Variants in RLN2 observed in about 807,000 individuals in gnomAD.
RLN2 encodes the protein prorelaxin H2.
A neutral mutation model predicts 7.3 loss-of-function variants in RLN2; 10 were observed. That is an observed-to-expected ratio of 1.36 (90% CI 0.84 to 2.31). The LOEUF (loss-of-function observed/expected upper bound fraction) is 2.31. Ranked by LOEUF, RLN2 falls within the 30% of genes most tolerant of loss-of-function variation. The pLI, the probability that RLN2 is intolerant of heterozygous loss-of-function variation, is 0.00. For synonymous variants in RLN2, 103 were observed against 82.3 expected (o/e 1.25, Z -1.36); for missense variants, 298 against 217.6 (o/e 1.37, Z -2.32).
Position 5,304,586 on chromosome 9 carries a change from G to A in RLN2, c.-6C>T, listed in dbSNP as rs1343929122. On this transcript the variant is annotated 5_prime_UTR_variant, in exon 1 of 2. Transcript: ENST00000381627. ...AAAAAAAACAGGCGAGGCATCCTGG[G>A]CCTGGTCTCTCCTGGAGGTCGGGAC... The A allele has an allele frequency of 2.5e-6, 4 of 1,613,436 alleles. No individual in the cohort carries two copies. Among genetic ancestry groups the A allele is most frequent in the Non-Finnish European group, 3.4e-6 (4 of 1,179,602 alleles).
the RLN2 span, among the ~76,000 whole-genome samples, chr9:5,316,826 G>A: frequency 6.6e-6 from 1 of 151,948 alleles, no homozygotes; most frequent in African/African-American, 2.4e-5. Context: ...GGATTGCTGG[G>A]TCAAATGGTA....
the RLN2 span, chr9:5,311,863 A>C: frequency 1.8e-6 from 1 of 545,908 alleles, no homozygotes; most frequent in Non-Finnish European, 3.2e-6. Flanking sequence ...TTTAGGGTAC[A>C]TGTGCACATT....
chr9:5,332,898 T>A, the RLN2 span, among the ~76,000 whole-genome samples: 3 of 152,096 alleles, frequency 2.0e-5, no homozygotes, highest in East Asian at 5.8e-4. Flanking sequence ...ATTTCAGGCA[T>A]GAGCCACCGC....
At chr9:5,319,803 G>A in the RLN2 span, among the ~76,000 whole-genome samples, 8 of 151,970 alleles carry the variant, frequency 5.3e-5, no homozygotes, top group Non-Finnish European at 1.2e-4. Context: ...CAGAATTATG[G>A]AGCAGGACTC....
chr9:5,311,732 G>C, the RLN2 span: 1 of 1,101,524 alleles, frequency 9.1e-7, no homozygotes, highest in Non-Finnish European at 1.4e-6. Flanking sequence ...GTGCATTTTT[G>C]ATAACTGTAT....
At chr9:5,330,724 G>T in the RLN2 span, among the ~76,000 whole-genome samples, 1 of 114,238 alleles carries the variant, frequency 8.8e-6, no homozygotes, top group East Asian at 2.6e-4. Flanking sequence ...CAGAAGGCAA[G>T]AAATAACTAA....
At chr9:5,339,325 C>A in the RLN2 span, 1 of 454,634 alleles carries the variant, frequency 2.2e-6, no homozygotes, top group Non-Finnish European at 3.7e-6. Flanking sequence ...TCCCTCCGTC[C>A]GGTGAGATTC....
upstream of RLN2, among the ~76,000 whole-genome samples, chr9:5,308,000 C>T (rs544311530): frequency 3.6e-4 from 54 of 152,050 alleles, no homozygotes; most frequent in East Asian, 9.7e-4. Context: ...ATACCTGATC[C>T]CAATGACAGT....
At chr9:5,312,630 T>C in the RLN2 span, among the ~76,000 whole-genome samples, 2 of 151,910 alleles carry the variant, frequency 1.3e-5, no homozygotes, top group African/African-American at 4.8e-5. Context: ...AGTTGTTGTA[T>C]ACTGTTAATG....
chr9:5,303,947 C>T, intron 1 of RLN2: 1 of 164,900 alleles, frequency 6.1e-6, no homozygotes, highest in African/African-American at 2.1e-4. Context: ...AAGCCCTGTT[C>T]AGGTGCCCCC....
the RLN2 span, chr9:5,334,842 A>G: frequency 6.4e-6 from 1 of 155,222 alleles, no homozygotes; most frequent in Non-Finnish European, 1.4e-5. Context: ...AACCTTTTGA[A>G]ATCTATTAGG....
intron 1 of RLN2, among the ~76,000 whole-genome samples, chr9:5,301,238 G>T (rs1030904340): frequency 6.6e-6 from 1 of 152,152 alleles, no homozygotes; most frequent in Non-Finnish European, 1.5e-5. Context: ...TAGGAAGGGA[G>T]CCTGTTCTTA....
the RLN2 span, among the ~76,000 whole-genome samples, chr9:5,336,219 G>A: frequency 1.3e-5 from 2 of 152,000 alleles, no homozygotes; most frequent in African/African-American, 4.8e-5. Context: ...CAAATCAATA[G>A]TATTTTATAT....
At chr9:5,330,150 C>T in the RLN2 span, among the ~76,000 whole-genome samples, 1 of 152,014 alleles carries the variant, frequency 6.6e-6, no homozygotes, top group African/African-American at 2.4e-5. Flanking sequence ...CAACCTGCTC[C>T]TGAATGACTA....
chr9:5,310,958 T>G, the RLN2 span, among the ~76,000 whole-genome samples: 1 of 152,116 alleles, frequency 6.6e-6, no homozygotes, highest in Non-Finnish European at 1.5e-5. Flanking sequence ...TCTGATAGGC[T>G]TCCTTTCTTG....
chr9:5,302,083 T>C (rs1283323278), intron 1 of RLN2, among the ~76,000 whole-genome samples: 1 of 152,220 alleles, frequency 6.6e-6, no homozygotes, highest in Non-Finnish European at 1.5e-5. Flanking sequence ...ATTTTCTATA[T>C]ACTTAAAGCC....
chr9:5,300,091 C>T lies in RLN2; in HGVS notation c.*7G>A. On this transcript the variant is annotated 3_prime_UTR_variant, in exon 2 of 2. Transcript: ENST00000381627. ...TATTATACGAGATGTGCACAATTAG[C>T]TTCATCTCAGCAAAATCTAGCAAGA... 1 of 1,560,122 alleles carries T rather than the reference C, an allele frequency of 6.4e-7. No homozygotes were observed. Among genetic ancestry groups the T allele is most frequent in the Non-Finnish European group, 8.7e-7 (1 of 1,144,570 alleles).
upstream of RLN2, among the ~76,000 whole-genome samples, chr9:5,305,679 G>A (rs1045187053): frequency 5.3e-5 from 8 of 151,976 alleles, no homozygotes; most frequent in African/African-American, 1.7e-4. Flanking sequence ...TTACTTGCTT[G>A]TGTTCATAAT....
chr9:5,317,100 G>A, the RLN2 span, among the ~76,000 whole-genome samples: 6 of 151,658 alleles, frequency 4.0e-5, no homozygotes, highest in Non-Finnish European at 5.9e-5. Flanking sequence ...AAAGAGAAAG[G>A]AATCAAAACA....
Sources: allele counts gnomAD v4.1 joint callset (sites outside exome capture counted in the v4.1 genomes callset), GRCh38; gene constraint gnomAD v4.1.1; transcripts MANE v1.5; gene names NCBI Gene and HGNC (gene_info 2026-07-23, HGNC 2026-07-21).